FARP1: variants seen among roughly 807,000 people sequenced by gnomAD.
The protein encoded by FARP1 is FERM, ARH/RhoGEF and pleckstrin domain protein 1, also known as FERM, ARHGEF and pleckstrin domain-containing protein 1.
A neutral mutation model predicts 128.8 loss-of-function variants in FARP1; 52 were observed. The ratio of observed to expected loss-of-function variants is 0.40; its 90% CI spans 0.32 to 0.51. FARP1 has a LOEUF of 0.51. Ranked by LOEUF, FARP1 falls within the 20% of genes least tolerant of loss-of-function variation. FARP1 has a pLI of 0.45. For synonymous variants in FARP1, 580 were observed against 551.8 expected, an observed-to-expected ratio of 1.05 and a Z score of -0.72; for missense variants, 1,333 against 1,367.9, an observed-to-expected ratio of 0.97 and a Z score of 0.40.
At chr13:98,436,411 G>A (rs775445575) in intron 19 of FARP1, among the ~76,000 whole-genome samples, 8 of 152,136 alleles carry the variant, frequency 5.3e-5, no homozygotes, top group African/African-American at 9.7e-5. Flanking sequence ...CAGTTGCTGC[G>A]TCTCATCAAA....
intron 1 of FARP1, chr13:98,177,345 T>C: frequency 1.1e-6 from 1 of 888,578 alleles, no homozygotes; most frequent in East Asian, 2.7e-5. Flanking sequence ...CAAAAGCAAG[T>C]GAAAGAAAAG....
intron 13 of FARP1, chr13:98,403,569 G>T (rs1000932013): frequency 4.6e-5 from 7 of 152,212 alleles, no homozygotes; most frequent in African/African-American, 1.7e-4. Context: ...TGTAGAAAAG[G>T]CCTCACCTGA....
At chr13:98,299,676 C>T (rs370343261) in intron 2 of FARP1, among the ~76,000 whole-genome samples, 13 of 152,176 alleles carry the variant, frequency 8.5e-5, no homozygotes, top group Non-Finnish European at 1.6e-4. Context: ...TCCTTCCATC[C>T]TTCTGCAGCC....
rs765587256 is a variant in FARP1 at position 98,395,469 on chromosome 13, A to G, written c.1407A>G (p.Pro469=). ...AGAGTAAACCTCAGCCCCCGCAGCC[A>G]AGCACAGGTCCAGCATCCCGGGCTG... ...TQQSKPQPPQ[P]STGSLTGSPH... Residue 469 remains proline (P), a synonymous_variant, in exon 13 of 27, where the codon CCA becomes CCG. Coordinates refer to ENST00000319562, the MANE Select transcript of FARP1 (RefSeq NM_005766.4). 3.8e-5 allele frequency: 61 copies of G among 1,584,790 alleles called. 2 individuals are homozygous for G. The South Asian group carries it at 6.7e-4, about 17-fold the overall frequency.
At chr13:98,241,867 C>T (rs970466436) in intron 2 of FARP1, among the ~76,000 whole-genome samples, 2 of 151,996 alleles carry the variant, frequency 1.3e-5, no homozygotes, top group Non-Finnish European at 2.9e-5. Flanking sequence ...TGCAGTGAGC[C>T]GAGATTGCGC....
At chr13:98,171,884 C>T (rs1291169538) in intron 1 of FARP1, among the ~76,000 whole-genome samples, 2 of 152,160 alleles carry the variant, frequency 1.3e-5, no homozygotes, top group African/African-American at 4.8e-5. Context: ...CGTATCTGCA[C>T]ACGCGCTCGG....
chr13:98,426,604 C>T (rs964531525), intron 17 of FARP1, among the ~76,000 whole-genome samples: 15 of 152,214 alleles, frequency 9.9e-5, no homozygotes, highest in Middle Eastern at 3.2e-3. Flanking sequence ...GATTTCCTGT[C>T]AATCTCTCTT....
At chr13:98,403,183 T>C (rs538475907) in intron 13 of FARP1, 2 of 152,282 alleles carry the variant, frequency 1.3e-5, no homozygotes, top group South Asian at 4.1e-4. Flanking sequence ...GTGCAAGCTT[T>C]CATGTGGAAG....
At chr13:98,147,813 C>G (rs1027769717) in intron 1 of FARP1, among the ~76,000 whole-genome samples, 10 of 110,526 alleles carry the variant, frequency 9.0e-5, no homozygotes, top group Middle Eastern at 4.4e-3. Context: ...CATGCCATCA[C>G]GCCCAGCTAA....
intron 1 of FARP1, among the ~76,000 whole-genome samples, chr13:98,167,039 A>C (rs1877314397): frequency 6.6e-6 from 1 of 152,062 alleles, no homozygotes; most frequent in South Asian, 2.1e-4. Context: ...GTTTTTCTTA[A>C]TTGTCATTTT....
In FARP1 at chr13:98,305,116, A is replaced by ATT. The variant is rs912492212; in HGVS notation, c.172-38645_172-38644insTT. On this transcript the variant is annotated intron_variant, in intron 2 of 26. Transcript: ENST00000319562. The stretch of plus-strand genomic sequence containing the variant: ...AATATTTAAATGTGTATATATATAT[A>ATT]TATTTTTTAATTTATTTATTTTTTA... Among the ~76,000 whole-genome samples the ATT allele has an allele frequency of 3.4e-3, 84 of 24,478 alleles. No individual in the cohort carries two copies. The South Asian group carries it at 0.037, about 11-fold the overall frequency. 16.1% of individuals were successfully genotyped at this position (24,478 alleles called of 152,430 possible).
At chr13:98,408,322 CTTTTTTT>C (rs34532263) in intron 13 of FARP1, among the ~76,000 whole-genome samples, 5 of 90,146 alleles carry the variant, frequency 5.5e-5, no homozygotes, top group East Asian at 3.1e-4. Flanking sequence ...GTAATATATA[CTTTTTTT>C]TTTTTTTTTT....
rs140731685 is a variant in FARP1, at chr13:98,335,725, G to A, written c.172-8037G>A. ...AGTTATTAATACCTCTGCCCACCTG[G>A]TCAAAATCTGCCAAAGGGCTGTAGG... On this transcript the variant is annotated intron_variant, in intron 2 of 26. Coordinates refer to ENST00000319562, the MANE Select transcript of FARP1 (RefSeq NM_005766.4). Among the ~76,000 whole-genome samples, 59 of 152,324 alleles carry A rather than the reference G, an allele frequency of 3.9e-4. No homozygotes were observed. The East Asian group carries it at 0.011, about 29-fold the overall frequency.
chr13:98,327,981 C>T (rs1887308029), intron 2 of FARP1, among the ~76,000 whole-genome samples: 3 of 152,086 alleles, frequency 2.0e-5, no homozygotes, highest in African/African-American at 2.4e-5. Flanking sequence ...CATGCGCACG[C>T]GATTGAGATT....
At chr13:98,165,462 C>T (rs1877180352) in intron 1 of FARP1, among the ~76,000 whole-genome samples, 1 of 151,826 alleles carries the variant, frequency 6.6e-6, no homozygotes, top group Admixed American at 6.6e-5. Flanking sequence ...TTTTTAAACC[C>T]CACCAATTCA....
chr13:98,213,445 T>G (rs370071997), intron 2 of FARP1, 32 bp downstream of exon 2: 236 of 1,604,402 alleles, frequency 1.5e-4, no homozygotes, highest in Non-Finnish European at 1.9e-4. Context: ...AACCCAGGAG[T>G]GTGGTAGGGG....
intron 2 of FARP1, among the ~76,000 whole-genome samples, chr13:98,265,910 T>G (rs1353923629): frequency 6.6e-6 from 1 of 152,164 alleles, no homozygotes; most frequent in Non-Finnish European, 1.5e-5. Flanking sequence ...GATGGTACGC[T>G]GGGACTAGTT....
At chr13:98,410,903 C>A in intron 15 of FARP1, 80 bp downstream of exon 15, 1 of 680,552 alleles carries the variant, frequency 1.5e-6, no homozygotes, top group Non-Finnish European at 2.6e-6. Context: ...GAGGCTGGAG[C>A]TAATTAAATG....
chr13:98,429,249 G>A (rs1266749942), intron 17 of FARP1, among the ~76,000 whole-genome samples: 1 of 152,200 alleles, frequency 6.6e-6, no homozygotes, highest in Non-Finnish European at 1.5e-5. Context: ...CCCGAGGGAT[G>A]GGGGGTCCTC....
Sources: allele counts gnomAD v4.1 joint callset (sites outside exome capture counted in the v4.1 genomes callset), GRCh38; gene constraint gnomAD v4.1.1; transcripts MANE v1.5; gene names NCBI Gene and HGNC (gene_info 2026-07-23, HGNC 2026-07-21).